SMYD3: variants seen among roughly 807,000 people sequenced by gnomAD.
The protein encoded by SMYD3 is SET and MYND domain containing 3.
SMYD3 carries 36 observed loss-of-function variants against 57.7 expected under a neutral mutation model. The observed-to-expected ratio is 0.62, with a 90% CI of 0.48 to 0.82. The LOEUF (loss-of-function observed/expected upper bound fraction) is 0.82. Among genes scored for constraint, SMYD3 ranks in the 40% least tolerant of loss-of-function variants. The probability of loss-of-function intolerance (pLI) is 0.00; values close to 1 mark genes in which losing one functional copy is unlikely to be tolerated. For synonymous variants in SMYD3, 211 were observed against 195.0 expected (o/e 1.08, Z -0.68); for missense variants, 515 against 538.8 (o/e 0.96, Z 0.44).
intron 5 of SMYD3, among the ~76,000 whole-genome samples, chr1:246,002,600 C>G (rs569901285): frequency 7.5e-6 from 1 of 132,602 alleles, no homozygotes; most frequent in African/African-American, 2.8e-5. Context: ...TTACAGGCGC[C>G]CGCCACCACG....
At chr1:245,799,270 A>AG (rs1012933457) in intron 10 of SMYD3, among the ~76,000 whole-genome samples, 1 of 152,124 alleles carries the variant, frequency 6.6e-6, no homozygotes, top group African/African-American at 2.4e-5. Context: ...GGCCGAGGGG[A>AG]GGGGTTGCAG....
intron 5 of SMYD3, among the ~76,000 whole-genome samples, chr1:246,068,307 C>T (rs540946597): frequency 1.4e-4 from 21 of 150,978 alleles, no homozygotes; most frequent in African/African-American, 4.6e-4. Context: ...AAAAAGAACA[C>T]CCACGCAGCA....
At chr1:246,473,791 T>G (rs2067992004) in intron 1 of SMYD3, among the ~76,000 whole-genome samples, 3 of 152,230 alleles carry the variant, frequency 2.0e-5, no homozygotes, top group Non-Finnish European at 2.9e-5. Flanking sequence ...GACTTAAGTT[T>G]TAAAGAGGTA....
chr1:246,037,759 A>C (rs1232958382), intron 5 of SMYD3, among the ~76,000 whole-genome samples: 6 of 152,214 alleles, frequency 3.9e-5, no homozygotes, highest in Non-Finnish European at 7.3e-5. Flanking sequence ...TTTGTGGAGA[A>C]ACCTGTTTGC....
At position 246,471,765 on chromosome 1, in the gene SMYD3, T is replaced by C. The variant is rs371391444; in HGVS notation, c.164+35289A>G. On this transcript the variant is annotated intron_variant, in intron 1 of 11. Coordinates refer to ENST00000490107, the MANE Select transcript of SMYD3 (RefSeq NM_001167740.2). ...ACTTTATATCTTATCTATAAATAGATCATTACATTTGCATAGAAAGAAGTT... is the reference window on the plus strand; with the variant it reads ...ACTTTATATCTTATCTATAAATAGACCATTACATTTGCATAGAAAGAAGTT... 2.6e-5 allele frequency among the ~76,000 whole-genome samples: 4 copies of C among 152,326 alleles called. No homozygotes were observed. The East Asian group carries it at 5.8e-4, about 22-fold the overall frequency.
chr1:245,871,399 G>C (rs568769769), intron 8 of SMYD3, among the ~76,000 whole-genome samples: 177 of 152,260 alleles, frequency 1.2e-3, no homozygotes, highest in African/African-American at 3.5e-3. Flanking sequence ...GTAACTTGAG[G>C]GGAAAAGTGG....
chr1:245,869,968 G>A (rs1285548116), intron 8 of SMYD3, among the ~76,000 whole-genome samples: 2 of 152,174 alleles, frequency 1.3e-5, no homozygotes, highest in Non-Finnish European at 1.5e-5. Context: ...ACAGCCCCTA[G>A]CCCTGAACTG....
At chr1:245,882,538 A>G (rs1240553176) in intron 8 of SMYD3, among the ~76,000 whole-genome samples, 1 of 152,132 alleles carries the variant, frequency 6.6e-6, no homozygotes, top group Non-Finnish European at 1.5e-5. Context: ...TGAGAGGAAA[A>G]AGTGAATGAA....
chr1:246,273,669 C>G (rs1247765722), intron 5 of SMYD3, among the ~76,000 whole-genome samples: 1 of 145,214 alleles, frequency 6.9e-6, no homozygotes, highest in Admixed American at 7.0e-5. Flanking sequence ...ACTGCAACCT[C>G]TGCCTCCCAG....
chr1:246,204,273 T>G (rs953924431), intron 5 of SMYD3, among the ~76,000 whole-genome samples: 4 of 152,170 alleles, frequency 2.6e-5, no homozygotes, highest in Admixed American at 1.3e-4. Context: ...GACCTGTCAC[T>G]CATCCTCACA....
At chr1:246,099,817 G>A (rs952991176) in intron 5 of SMYD3, among the ~76,000 whole-genome samples, 1 of 152,072 alleles carries the variant, frequency 6.6e-6, no homozygotes, top group African/African-American at 2.4e-5. Flanking sequence ...TACCTCATCA[G>A]AAATCCAAAG....
At chr1:246,019,801 A>AT (rs1171466718) in intron 5 of SMYD3, among the ~76,000 whole-genome samples, 1 of 152,216 alleles carries the variant, frequency 6.6e-6, no homozygotes, top group East Asian at 1.9e-4. Flanking sequence ...ATGTACATAT[A>AT]TAAAATACAT....
chr1:246,307,544 C>T (rs919860612), intron 5 of SMYD3, among the ~76,000 whole-genome samples: 3 of 150,798 alleles, frequency 2.0e-5, no homozygotes, highest in South Asian at 2.1e-4. Context: ...CTCAGCCTCC[C>T]GAGTAGCTGG....
At chr1:245,924,170 T>C (rs2147817904) in intron 7 of SMYD3, among the ~76,000 whole-genome samples, 1 of 152,346 alleles carries the variant, frequency 6.6e-6, no homozygotes, top group South Asian at 2.1e-4. Flanking sequence ...CCCTGATCCA[T>C]GTTTTATAAA....
At chr1:246,096,008 A>T (rs1448650730) in intron 5 of SMYD3, among the ~76,000 whole-genome samples, 1 of 152,232 alleles carries the variant, frequency 6.6e-6, no homozygotes, top group Non-Finnish European at 1.5e-5. Context: ...TCAAGCCATG[A>T]TTATAGTATT....
chr1:245,827,180 G>A (rs1391762595), intron 10 of SMYD3, among the ~76,000 whole-genome samples: 2 of 152,134 alleles, frequency 1.3e-5, no homozygotes, highest in Admixed American at 6.5e-5. Context: ...TAAACGGCAC[G>A]TTCAAGGCCA....
intron 1 of SMYD3, among the ~76,000 whole-genome samples, chr1:246,448,578 G>A (rs891332135): frequency 6.6e-6 from 1 of 151,850 alleles, no homozygotes. Context: ...ACCAGTCTAG[G>A]AAGTCAGACT....
chr1:246,025,849 T>G (rs1357489788), intron 5 of SMYD3: 1 of 152,266 alleles, frequency 6.6e-6, no homozygotes, highest in Non-Finnish European at 1.5e-5. Flanking sequence ...AAGAAAAACC[T>G]GGCCCAGCAC....
chr1:246,090,914 G>A (rs1324871912), intron 5 of SMYD3, among the ~76,000 whole-genome samples: 2 of 152,110 alleles, frequency 1.3e-5, no homozygotes, highest in African/African-American at 2.4e-5. Context: ...GCCCAGGTAC[G>A]TACCCCAGAC....
Sources: gnomAD v4.1 joint callset for allele counts (sites outside exome capture counted in the v4.1 genomes callset) on GRCh38, gnomAD v4.1.1 for gene constraint, MANE v1.5 for transcripts, NCBI Gene and HGNC (gene_info 2026-07-23, HGNC 2026-07-21) for gene names.